AR: variants seen among roughly 807,000 people sequenced by gnomAD.
AR encodes the protein androgen receptor.
In AR, 8 loss-of-function variants were observed where a neutral mutation model predicts 53.9. The ratio of observed to expected loss-of-function variants is 0.15; its 90% CI spans 0.09 to 0.27. The LOEUF (loss-of-function observed/expected upper bound fraction) is 0.27. Ranked by LOEUF, AR falls within the 10% of genes least tolerant of loss-of-function variation. The probability of loss-of-function intolerance (pLI) is 1.00; values close to 1 mark genes in which losing one functional copy is unlikely to be tolerated. For synonymous variants in AR, 359 were observed against 316.4 expected, an observed-to-expected ratio of 1.13 and a Z score of -1.43; for missense variants, 639 against 742.5, an observed-to-expected ratio of 0.86 and a Z score of 1.62.
At chrX:67,692,187 G>A (rs1390884383) in intron 3 of AR, among the ~76,000 whole-genome samples, 1 of 111,988 alleles carries the variant, frequency 8.9e-6, no homozygotes, top group Non-Finnish European at 1.9e-5. Flanking sequence ...TTCCTGTTCA[G>A]CAGGCAGCAG....
chrX:67,711,881 A>G (rs781073081), intron 4 of AR, among the ~76,000 whole-genome samples, 192 bp downstream of exon 4: 1 of 112,240 alleles, frequency 8.9e-6, no homozygotes, highest in Non-Finnish European at 1.9e-5. Context: ...AGCAAAGAGA[A>G]AGATAGTATT....
At chrX:67,622,712 G>A (rs1221843150) in intron 1 of AR, among the ~76,000 whole-genome samples, 1 of 111,834 alleles carries the variant, frequency 8.9e-6, no homozygotes, top group African/African-American at 3.3e-5. Flanking sequence ...GTAAATATTT[G>A]ATGAATATGT....
In AR at chrX:67,723,679, C is replaced by T. The variant is rs750099512; in HGVS notation, c.2608-7C>T. 1 of 1,207,427 alleles carries T rather than the reference C, an allele frequency of 8.3e-7. No homozygotes were observed. The highest frequency in any genetic ancestry group is 1.1e-6 in the Non-Finnish European group (1 of 894,334). On this transcript the variant is annotated splice_region_variant and splice_polypyrimidine_tract_variant and intron_variant, in intron 7 of 7. Coordinates refer to ENST00000374690, the MANE Select transcript of AR (RefSeq NM_000044.6). Reference sequence around the variant, plus strand: ...CCTGTTTTTCTCCCTCTTATTGTTCCCTACAGATTGCGAGAGAGCTGCATC... The same window carrying T: ...CCTGTTTTTCTCCCTCTTATTGTTCTCTACAGATTGCGAGAGAGCTGCATC...
At chrX:67,641,113 A>G (rs1422164901) in intron 1 of AR, among the ~76,000 whole-genome samples, 1 of 111,072 alleles carries the variant, frequency 9.0e-6, no homozygotes, top group East Asian at 2.8e-4. Context: ...TTAGCACAAC[A>G]TGGTTTGTCA....
At chrX:67,673,471 ATT>A (rs34317430) in intron 2 of AR, among the ~76,000 whole-genome samples, 8,654 of 68,249 alleles carry the variant, frequency 0.13, 497 homozygotes, top group African/African-American at 0.27. Context: ...ATTGTTTGCT[ATT>A]TTTTTTTTTT....
chrX:67,608,485 T>A lies in AR; in HGVS notation c.1617-34771T>A, dbSNP rs1448660995. ...TTTAGGGACAGAAATGTTAGGAAGA[T>A]CCTAGTTCCTCATCTCTTTGCTCCT... On this transcript the variant is annotated intron_variant, in intron 1 of 7. Transcript: ENST00000374690. 3.6e-5 allele frequency among the ~76,000 whole-genome samples: 4 copies of A among 111,731 alleles called. No individual in the cohort carries two copies. The Admixed American group carries it at 3.8e-4, about 11-fold the overall frequency.
intron 3 of AR, among the ~76,000 whole-genome samples, chrX:67,705,387 T>C (rs1417645725): frequency 9.0e-6 from 1 of 111,574 alleles, no homozygotes; most frequent in Non-Finnish European, 1.9e-5. Context: ...GATTCCTAGG[T>C]ATTTTATTCT....
At chrX:67,673,808 T>G (rs1278530321) in intron 2 of AR, among the ~76,000 whole-genome samples, 2 of 111,289 alleles carry the variant, frequency 1.8e-5, no homozygotes, top group Non-Finnish European at 3.8e-5. Flanking sequence ...ATTTAGTTCA[T>G]TTTGTGAGGT....
rs1432821205 is a variant in AR at position 67,545,318 on chromosome X, C to A, written c.172C>A (p.Gln58Lys). Residue 58 changes from glutamine (Q) to lysine (K), a missense_variant, in exon 1 of 8, where the codon CAG (glutamine) becomes AAG (lysine). Gln to Lys is a moderately conservative substitution (Grantham distance 53, BLOSUM62 1). Transcript: ENST00000374690. ...TCCCGGCGCCAGTTTGCTGCTGCTG[C>A]AGCAGCAGCAGCAGCAGCAGCAGCA... is the stretch of plus-strand genomic sequence containing the variant. Reference protein sequence around the residue: ...APPGASLLLLQQQQQQQQQQQ... With the variant: ...APPGASLLLLKQQQQQQQQQQ... 1 of 371,791 alleles carries A rather than the reference C, an allele frequency of 2.7e-6. No individual in the cohort carries two copies. Among genetic ancestry groups the A allele is most frequent in the Non-Finnish European group, 3.6e-6 (1 of 274,383 alleles). 30.6% of individuals were successfully genotyped at this position (371,791 alleles called of 1,213,427 possible). A position where few individuals can be genotyped will look rare whatever the true frequency, so the allele number is the denominator to read the frequency against.
intron 3 of AR, among the ~76,000 whole-genome samples, chrX:67,703,101 A>T (rs1383890265): frequency 1.8e-5 from 2 of 111,896 alleles, no homozygotes; most frequent in Non-Finnish European, 3.8e-5. Flanking sequence ...AACTAAAAAA[A>T]AAGTCAGTTC....
At chrX:67,708,362 A>G (rs199952597) in intron 3 of AR, among the ~76,000 whole-genome samples, 2 of 110,524 alleles carry the variant, frequency 1.8e-5, no homozygotes, top group African/African-American at 6.6e-5. Context: ...TTTTTTCTCT[A>G]AACTTCTCTT....
At chrX:67,648,994 A>G (rs1250874361) in intron 2 of AR, among the ~76,000 whole-genome samples, 1 of 111,660 alleles carries the variant, frequency 9.0e-6, no homozygotes, top group African/African-American at 3.3e-5. Context: ...CATCTACATT[A>G]GGTATTTCTC....
intron 4 of AR, among the ~76,000 whole-genome samples, chrX:67,714,135 G>A (rs2076103904): frequency 8.9e-6 from 1 of 111,757 alleles, no homozygotes. Flanking sequence ...GAGTGGGTGA[G>A]TAGACTGGGT....
chrX:67,651,980 A>G (rs767211652), intron 2 of AR, among the ~76,000 whole-genome samples: 6 of 111,593 alleles, frequency 5.4e-5, no homozygotes, highest in Admixed American at 1.9e-4. Context: ...AAGCTAAAGA[A>G]AGAGCTTAGA....
At position 67,660,474 on chromosome X, in the gene AR, C is replaced by G. The variant is rs776345021; in HGVS notation, c.1768+17067C>G. 7.2e-5 allele frequency among the ~76,000 whole-genome samples: 8 copies of G among 111,681 alleles called. No homozygotes were observed. The South Asian group carries it at 1.1e-3, about 16-fold the overall frequency. ...AACACCATTTATTAAATAGGGAATC[C>G]TTTCCCCATTTCTTGTTTTTGTCAG... is the stretch of plus-strand genomic sequence containing the variant. On this transcript the variant is annotated intron_variant, in intron 2 of 7. Transcript: ENST00000374690.
chrX:67,685,355 G>A (rs1045393477), intron 2 of AR, among the ~76,000 whole-genome samples: 1 of 111,274 alleles, frequency 9.0e-6, no homozygotes, highest in East Asian at 2.8e-4. Flanking sequence ...ACAACTCCAG[G>A]TGTTCATGAC....
chrX:67,598,768 T>C (rs146611012), intron 1 of AR, among the ~76,000 whole-genome samples: 7,133 of 109,880 alleles, frequency 0.065, 602 homozygotes, highest in African/African-American at 0.23. Flanking sequence ...CACTCTCACC[T>C]CAATTTTTTT....
chrX:67,669,635 T>TA (rs1419249007), intron 2 of AR, among the ~76,000 whole-genome samples: 1 of 111,345 alleles, frequency 9.0e-6, no homozygotes, highest in Non-Finnish European at 1.9e-5. Flanking sequence ...GTGCTGAAAG[T>TA]GGTGTGTTAA....
At chrX:67,673,835 G>A (rs953925606) in intron 2 of AR, among the ~76,000 whole-genome samples, 1 of 111,127 alleles carries the variant, frequency 9.0e-6, no homozygotes, top group Non-Finnish European at 1.9e-5. Context: ...TTCCTGGATG[G>A]TGTTAATGCT....
Sources: allele counts gnomAD v4.1 joint callset (sites outside exome capture counted in the v4.1 genomes callset), GRCh38; gene constraint gnomAD v4.1.1; transcripts MANE v1.5; gene names NCBI Gene and HGNC (gene_info 2026-07-23, HGNC 2026-07-21).